Variants in SYT1 observed in about 807,000 individuals in gnomAD.
The protein encoded by SYT1 is synaptotagmin 1.
A neutral mutation model predicts 44.8 loss-of-function variants in SYT1; 8 were observed. The ratio of observed to expected loss-of-function variants is 0.18; its 90% confidence interval spans 0.10 to 0.32. The LOEUF (loss-of-function observed/expected upper bound fraction) is 0.32, where lower values mean the gene tolerates loss of function less well. SYT1 is among the 10% of genes least tolerant of loss of function. The pLI, the probability that SYT1 is intolerant of heterozygous loss-of-function variation, is 1.00. For synonymous variants in SYT1, 154 were observed against 188.8 expected (o/e 0.82, Z 1.51); for missense variants, 286 against 509.3 (o/e 0.56, Z 4.22).
At chr12:78,995,889 T>C (rs1870347120) in intron 2 of SYT1, 1 of 152,204 alleles carries the variant, frequency 6.6e-6, no homozygotes, top group Admixed American at 6.5e-5. Context: ...TGAACTGTGG[T>C]GTTATTTGCA....
At chr12:78,884,234 T>A (rs1367474657) in intron 1 of SYT1, among the ~76,000 whole-genome samples, 1 of 151,572 alleles carries the variant, frequency 6.6e-6, no homozygotes, top group Non-Finnish European at 1.5e-5. Context: ...ATTATTTTAT[T>A]TATGTTGGAT....
At chr12:79,123,642 T>A (rs552059749) in intron 3 of SYT1, among the ~76,000 whole-genome samples, 2 of 152,298 alleles carry the variant, frequency 1.3e-5, no homozygotes, top group South Asian at 4.1e-4. Flanking sequence ...CTTATTATAC[T>A]TTTTTCCTCT....
intron 1 of SYT1, among the ~76,000 whole-genome samples, chr12:78,866,806 G>A (rs1486372178): frequency 6.6e-6 from 1 of 152,046 alleles, no homozygotes; most frequent in Non-Finnish European, 1.5e-5. Context: ...CTTGATATAA[G>A]AAAAGAGAAT....
intron 4 of SYT1, among the ~76,000 whole-genome samples, chr12:79,232,200 C>T (rs1262224691): frequency 1.3e-5 from 2 of 152,210 alleles, no homozygotes; most frequent in Non-Finnish European, 2.9e-5. Context: ...GCTTCCACTG[C>T]ATATGTATAG....
At chr12:79,304,296 G>A (rs932059965) in intron 8 of SYT1, among the ~76,000 whole-genome samples, 3 of 152,112 alleles carry the variant, frequency 2.0e-5, no homozygotes, top group African/African-American at 7.2e-5. Context: ...TTTAAAGTCC[G>A]TGTTAATAGT....
chr12:79,394,776 G>A (rs952933792), intron 9 of SYT1, among the ~76,000 whole-genome samples: 4 of 151,996 alleles, frequency 2.6e-5, no homozygotes, highest in East Asian at 1.9e-4. Context: ...TATGTTTTAC[G>A]CTTATTAATT....
intron 1 of SYT1, among the ~76,000 whole-genome samples, chr12:78,872,247 A>C (rs957256044): frequency 2.6e-5 from 4 of 151,816 alleles, no homozygotes; most frequent in Admixed American, 6.6e-5. Context: ...GCAAGTTTCC[A>C]ACGACTTGTT....
At chr12:79,157,087 C>A (rs1870644756) in intron 3 of SYT1, among the ~76,000 whole-genome samples, 2 of 152,152 alleles carry the variant, frequency 1.3e-5, no homozygotes, top group African/African-American at 4.8e-5. Flanking sequence ...AAGTAGACTG[C>A]CTAGACTGAT....
chr12:79,345,989 T>C (rs11837699), intron 8 of SYT1, among the ~76,000 whole-genome samples: 11,006 of 152,154 alleles, frequency 0.072, 844 homozygotes, highest in African/African-American at 0.19. Context: ...AAAAATCTTC[T>C]TACAATTAAC....
chr12:79,117,504 G>A (rs540557517), intron 3 of SYT1, among the ~76,000 whole-genome samples: 1 of 150,990 alleles, frequency 6.6e-6, no homozygotes, highest in Non-Finnish European at 1.5e-5. Flanking sequence ...CCACATGTGA[G>A]CATGGGTGTG....
chr12:78,883,497 C>G (rs1874574797), intron 1 of SYT1, among the ~76,000 whole-genome samples: 1 of 149,280 alleles, frequency 6.7e-6, no homozygotes, highest in South Asian at 2.1e-4. Context: ...ATATGACTTT[C>G]TTTCTTTTCT....
intron 1 of SYT1, among the ~76,000 whole-genome samples, chr12:78,879,135 A>G (rs1248850747): frequency 1.3e-5 from 2 of 151,726 alleles, no homozygotes; most frequent in Non-Finnish European, 2.9e-5. Flanking sequence ...ATTTGAAGAG[A>G]TAAGCTGCAT....
At chr12:79,073,393 A>C (rs972435291) in intron 3 of SYT1, among the ~76,000 whole-genome samples, 54 of 152,324 alleles carry the variant, frequency 3.5e-4, no homozygotes, top group African/African-American at 1.3e-3. Context: ...AGGCATTTTT[A>C]AAAGTAGTAT....
At chr12:79,380,392 TTTTG>T (rs1884167980) in intron 9 of SYT1, among the ~76,000 whole-genome samples, 1 of 152,184 alleles carries the variant, frequency 6.6e-6, no homozygotes, top group Admixed American at 6.5e-5. Flanking sequence ...ATGAAGAATT[TTTTG>T]TTTATTTATT....
intron 2 of SYT1, among the ~76,000 whole-genome samples, chr12:79,006,537 T>A (rs942582199): frequency 9.3e-5 from 14 of 150,888 alleles, no homozygotes; most frequent in African/African-American, 2.7e-4. Context: ...TCTTATCTTT[T>A]GGCAGTCAGT....
At chr12:79,216,243 T>TA (rs1195374691) in intron 3 of SYT1, among the ~76,000 whole-genome samples, 12 of 152,094 alleles carry the variant, frequency 7.9e-5, no homozygotes, top group African/African-American at 2.7e-4. Context: ...AATTTCATTT[T>TA]TAAAAAAATC....
At chr12:79,242,202 A>C (rs1414987826) in intron 4 of SYT1, among the ~76,000 whole-genome samples, 3 of 152,218 alleles carry the variant, frequency 2.0e-5, no homozygotes, top group African/African-American at 7.2e-5. Context: ...CATGTGGATC[A>C]CCTGGGTCCT....
chr12:79,091,658 T>C (rs1333681287), intron 3 of SYT1, among the ~76,000 whole-genome samples: 1 of 151,946 alleles, frequency 6.6e-6, no homozygotes, highest in Admixed American at 6.6e-5. Flanking sequence ...GAAAATGTTA[T>C]TTTGGAGAGT....
intron 3 of SYT1, among the ~76,000 whole-genome samples, chr12:79,145,831 C>T (rs1869866571): frequency 6.6e-6 from 1 of 151,050 alleles, no homozygotes; most frequent in Non-Finnish European, 1.5e-5. Context: ...GATCTCGGCT[C>T]ACTGCAAGCT....
Sources: allele counts gnomAD v4.1 joint callset (sites outside exome capture counted in the v4.1 genomes callset), GRCh38; gene constraint gnomAD v4.1.1; transcripts MANE v1.5; gene names NCBI Gene and HGNC (gene_info 2026-07-23, HGNC 2026-07-21).